GRID1: variants seen among roughly 807,000 people sequenced by gnomAD.
GRID1 encodes the protein glutamate ionotropic receptor delta type subunit 1.
A neutral mutation model predicts 98.0 loss-of-function variants in GRID1; 28 were observed. That is an observed-to-expected ratio of 0.29 (90% CI 0.21 to 0.39). GRID1 has a LOEUF of 0.39. Among genes scored for constraint, GRID1 ranks in the 10% least tolerant of loss-of-function variants. The pLI, the probability that GRID1 is intolerant of heterozygous loss-of-function variation, is 1.00. For synonymous variants in GRID1, 553 were observed against 538.5 expected, an observed-to-expected ratio of 1.03 and a Z score of -0.37; for missense variants, 1,111 against 1,340.5, an observed-to-expected ratio of 0.83 and a Z score of 2.67.
chr10:86,251,042 C>T (rs1452115031), intron 2 of GRID1, among the ~76,000 whole-genome samples: 2 of 152,104 alleles, frequency 1.3e-5, no homozygotes, highest in East Asian at 3.8e-4. Context: ...TATAACCTTA[C>T]CCCCAACCCC....
intron 4 of GRID1, among the ~76,000 whole-genome samples, chr10:85,993,126 G>C (rs75999764): frequency 6.6e-6 from 1 of 152,324 alleles, no homozygotes; most frequent in African/African-American, 2.4e-5. Flanking sequence ...TATCCCCAGA[G>C]GACAACCGGT....
At chr10:85,893,660 G>T (rs1205407008) in intron 5 of GRID1, among the ~76,000 whole-genome samples, 3 of 152,124 alleles carry the variant, frequency 2.0e-5, no homozygotes, top group Non-Finnish European at 4.4e-5. Context: ...TAGATATTTG[G>T]AGACTAATTT....
chr10:85,861,281 T>A (rs144552436), intron 6 of GRID1, among the ~76,000 whole-genome samples: 1 of 152,260 alleles, frequency 6.6e-6, no homozygotes, highest in Non-Finnish European at 1.5e-5. Flanking sequence ...CAAGCAAGAA[T>A]CAGCACTGAA....
chr10:86,253,718 C>A (rs1365565695), intron 2 of GRID1, among the ~76,000 whole-genome samples: 4 of 152,178 alleles, frequency 2.6e-5, no homozygotes, highest in Admixed American at 2.6e-4. Flanking sequence ...GCTGGAGCCA[C>A]CTTCAGCCTC....
At chr10:86,046,697 G>A (rs967373374) in intron 4 of GRID1, among the ~76,000 whole-genome samples, 1 of 152,098 alleles carries the variant, frequency 6.6e-6, no homozygotes, top group Non-Finnish European at 1.5e-5. Flanking sequence ...AGAAGGGATT[G>A]TTATCTTGAC....
At chr10:85,673,625 A>T (rs1169233412) in intron 12 of GRID1, among the ~76,000 whole-genome samples, 1 of 152,238 alleles carries the variant, frequency 6.6e-6, no homozygotes, top group Non-Finnish European at 1.5e-5. Flanking sequence ...GGGGGTTAGT[A>T]CTTTTGAGCA....
chr10:86,079,789 G>A (rs1336569984), intron 4 of GRID1, among the ~76,000 whole-genome samples: 1 of 152,146 alleles, frequency 6.6e-6, no homozygotes, highest in Non-Finnish European at 1.5e-5. Flanking sequence ...CTTAAACAGG[G>A]TCACTTCCCC....
chr10:86,099,484 G>A (rs776771428), intron 4 of GRID1, among the ~76,000 whole-genome samples: 4 of 151,848 alleles, frequency 2.6e-5, no homozygotes, highest in Non-Finnish European at 4.4e-5. Flanking sequence ...GAGAAGCCAC[G>A]ACCCAGGCCC....
intron 4 of GRID1, among the ~76,000 whole-genome samples, chr10:85,943,081 T>G (rs1331627947): frequency 2.6e-5 from 4 of 152,208 alleles, no homozygotes; most frequent in African/African-American, 9.6e-5. Flanking sequence ...TTTTTCAATA[T>G]TTAATGCTTC....
intron 4 of GRID1, among the ~76,000 whole-genome samples, chr10:86,098,062 T>C (rs1844246340): frequency 6.6e-6 from 1 of 152,232 alleles, no homozygotes; most frequent in Non-Finnish European, 1.5e-5. Flanking sequence ...AGATAAGTAG[T>C]TCTTTGACTC....
chr10:85,662,786 G>T (rs1178594834), intron 12 of GRID1, among the ~76,000 whole-genome samples: 1 of 152,162 alleles, frequency 6.6e-6, no homozygotes, highest in South Asian at 2.1e-4. Flanking sequence ...TGTGAGGTTG[G>T]GATGAATTCT....
intron 12 of GRID1, among the ~76,000 whole-genome samples, chr10:85,649,144 G>T (rs911611078): frequency 6.6e-6 from 1 of 152,150 alleles, no homozygotes; most frequent in African/African-American, 2.4e-5. Flanking sequence ...TTGGAGGAAT[G>T]GAGCTGAAGG....
intron 2 of GRID1, among the ~76,000 whole-genome samples, chr10:86,348,006 G>A (rs1188309622): frequency 6.6e-6 from 1 of 152,134 alleles, no homozygotes; most frequent in East Asian, 1.9e-4. Context: ...AGCATATCTA[G>A]ACAGGCTCCC....
At chr10:86,286,730 T>A (rs1847436894) in intron 2 of GRID1, among the ~76,000 whole-genome samples, 1 of 152,208 alleles carries the variant, frequency 6.6e-6, no homozygotes, top group Non-Finnish European at 1.5e-5. Context: ...CTTTCTCATC[T>A]GTAAAATGGG....
At chr10:86,003,213 TTGA>T (rs997712698) in intron 4 of GRID1, among the ~76,000 whole-genome samples, 1 of 151,782 alleles carries the variant, frequency 6.6e-6, no homozygotes, top group African/African-American at 2.4e-5. Context: ...GGGGATAGAG[TTGA>T]TGATGAAGAG....
intron 6 of GRID1, among the ~76,000 whole-genome samples, chr10:85,861,671 T>C (rs1843165115): frequency 6.6e-6 from 1 of 152,138 alleles, no homozygotes; most frequent in Non-Finnish European, 1.5e-5. Context: ...TTTGGCACAG[T>C]GGATTCTGCA....
intron 4 of GRID1, among the ~76,000 whole-genome samples, chr10:85,957,408 C>A (rs556419759): frequency 1.8e-4 from 28 of 152,200 alleles, no homozygotes; most frequent in Non-Finnish European, 2.9e-4. Flanking sequence ...TAGAGCCCCA[C>A]GAGAAAGCAT....
chr10:85,833,591 T>C (rs1842888003), intron 8 of GRID1, among the ~76,000 whole-genome samples: 1 of 150,484 alleles, frequency 6.6e-6, no homozygotes, highest in East Asian at 1.9e-4. Flanking sequence ...ATGTTCAAGA[T>C]ATAATCAAGA....
intron 5 of GRID1, among the ~76,000 whole-genome samples, chr10:85,902,059 A>T (rs1312712740): frequency 6.6e-6 from 1 of 152,252 alleles, no homozygotes; most frequent in Non-Finnish European, 1.5e-5. Context: ...CACGTTTGCC[A>T]TAATAGATTT....
Sources: gnomAD v4.1 joint callset for allele counts (sites outside exome capture counted in the v4.1 genomes callset) on GRCh38, gnomAD v4.1.1 for gene constraint, MANE v1.5 for transcripts, NCBI Gene and HGNC (gene_info 2026-07-23, HGNC 2026-07-21) for gene names.